FABP12: variants seen among roughly 807,000 people sequenced by gnomAD.
The protein encoded by FABP12 is fatty acid binding protein 12.
A neutral mutation model predicts 13.7 loss-of-function variants in FABP12; 19 were observed. The observed-to-expected ratio is 1.39, with a 90% CI of 0.97 to 2.04. The LOEUF is 2.04. FABP12 is among the 30% of genes most tolerant of loss of function. The pLI is 0.00. For missense variants in FABP12, 182 were observed against 164.2 expected (o/e 1.11, Z -0.59); for synonymous variants, 61 against 57.0 (o/e 1.07, Z -0.32).
At chr8:81,579,097 G>T (rs1475449462) in intron 1 of FABP12, among the ~76,000 whole-genome samples, 2 of 152,032 alleles carry the variant, frequency 1.3e-5, no homozygotes, top group Non-Finnish European at 2.9e-5. Flanking sequence ...CAAAGTGCTG[G>T]AATTACAGGC....
At chr8:81,547,650 G>A (rs1017828497) in intron 1 of FABP12, among the ~76,000 whole-genome samples, 4 of 152,148 alleles carry the variant, frequency 2.6e-5, no homozygotes, top group African/African-American at 9.7e-5. Context: ...TCACGTTTTA[G>A]TCCCAGATAA....
intron 3 of FABP12, 114 bp downstream of exon 3, chr8:81,529,324 C>A (rs146638353): frequency 1.9e-6 from 2 of 1,059,952 alleles, no homozygotes; most frequent in African/African-American, 3.1e-5. Flanking sequence ...ATGTTTTAGA[C>A]AAAAGTTCCT....
chr8:81,587,959 A>G (rs554084142), intron 1 of FABP12, among the ~76,000 whole-genome samples: 1 of 152,258 alleles, frequency 6.6e-6, no homozygotes, highest in South Asian at 2.1e-4. Flanking sequence ...AGAGTCCAAG[A>G]GCTGAAGAAC....
At chr8:81,529,932 A>T (rs939330348) in intron 2 of FABP12, among the ~76,000 whole-genome samples, 1 of 152,168 alleles carries the variant, frequency 6.6e-6, no homozygotes, top group African/African-American at 2.4e-5. Flanking sequence ...CCCTTTGAAA[A>T]TCTGATTAAA....
At chr8:81,581,805 ACT>A (rs1810168223) in intron 1 of FABP12, among the ~76,000 whole-genome samples, 2 of 152,140 alleles carry the variant, frequency 1.3e-5, no homozygotes, top group African/African-American at 2.4e-5. Flanking sequence ...AATTAGACTG[ACT>A]CTACAAGAAA....
chr8:81,587,641 C>T (rs1810262455), intron 1 of FABP12, among the ~76,000 whole-genome samples: 1 of 151,792 alleles, frequency 6.6e-6, no homozygotes, highest in Admixed American at 6.6e-5. Context: ...TCAGCTTGGA[C>T]ATTATTGATG....
At chr8:81,556,482 T>C (rs1463363876) in intron 1 of FABP12, among the ~76,000 whole-genome samples, 1 of 152,224 alleles carries the variant, frequency 6.6e-6, no homozygotes, top group East Asian at 1.9e-4. Context: ...CTTCTTCTTA[T>C]AGCATATATA....
At chr8:81,583,421 A>T (rs75564668) in intron 1 of FABP12, among the ~76,000 whole-genome samples, 4,146 of 152,254 alleles carry the variant, frequency 0.027, 173 homozygotes, top group African/African-American at 0.093. Flanking sequence ...ATTTAAAAAG[A>T]TAAACAAAAT....
intron 1 of FABP12, among the ~76,000 whole-genome samples, chr8:81,548,396 G>A (rs939009213): frequency 6.6e-6 from 1 of 152,112 alleles, no homozygotes; most frequent in Non-Finnish European, 1.5e-5. Flanking sequence ...GGATATAAAA[G>A]GAAATTTGAA....
At chr8:81,527,060 G>A (rs1490751267) in exon 4 of FABP12, 1 of 1,611,926 alleles carries the variant, frequency 6.2e-7, no homozygotes, top group South Asian at 1.1e-5. Flanking sequence ...CGTTATGGTG[G>A]TTTCTTTGCC....
chr8:81,588,923 CA>C (rs1810282120), intron 1 of FABP12, among the ~76,000 whole-genome samples: 1 of 152,140 alleles, frequency 6.6e-6, no homozygotes, highest in African/African-American at 2.4e-5. Flanking sequence ...AGAAGTGAAT[CA>C]CGGGAGCTTT....
chr8:81,556,735 T>C (rs1809622959), intron 1 of FABP12, among the ~76,000 whole-genome samples: 1 of 143,016 alleles, frequency 7.0e-6, no homozygotes, highest in Non-Finnish European at 1.5e-5. Flanking sequence ...TAAAAATATA[T>C]AATTATTATT....
intron 1 of FABP12, among the ~76,000 whole-genome samples, chr8:81,587,865 G>A (rs554758273): frequency 6.6e-6 from 1 of 152,176 alleles, no homozygotes; most frequent in East Asian, 1.9e-4. Flanking sequence ...TATAAGCTGA[G>A]GAGCAAGGAA....
At chr8:81,566,240 AAAG>A (rs1277191242) in intron 1 of FABP12, among the ~76,000 whole-genome samples, 4 of 152,126 alleles carry the variant, frequency 2.6e-5, no homozygotes, top group Non-Finnish European at 5.9e-5. Context: ...CCAAACATTT[AAAG>A]AAGAACTAAT....
At chr8:81,577,380 A>C (rs1810066907) in intron 1 of FABP12, among the ~76,000 whole-genome samples, 1 of 152,232 alleles carries the variant, frequency 6.6e-6, no homozygotes. Context: ...TTTTGATTTT[A>C]CTAAATGTAT....
At chr8:81,553,227 C>T (rs1220562650) in intron 1 of FABP12, among the ~76,000 whole-genome samples, 1 of 152,144 alleles carries the variant, frequency 6.6e-6, no homozygotes, top group African/African-American at 2.4e-5. Context: ...CTAGACCTAT[C>T]TCTTCCAGGA....
chr8:81,555,990 G>A (rs957015597), intron 1 of FABP12, among the ~76,000 whole-genome samples: 1 of 152,124 alleles, frequency 6.6e-6, no homozygotes, highest in Non-Finnish European at 1.5e-5. Context: ...GTGATTTTTA[G>A]GGGATCATGG....
intron 1 of FABP12, among the ~76,000 whole-genome samples, chr8:81,555,681 A>G (rs1056693927): frequency 4.6e-5 from 7 of 152,214 alleles, no homozygotes; most frequent in Non-Finnish European, 1.0e-4. Context: ...CAATTAAGGC[A>G]ACATCCTATT....
chr8:81,562,472 G>C (rs1234045527), intron 1 of FABP12, among the ~76,000 whole-genome samples: 1 of 152,136 alleles, frequency 6.6e-6, no homozygotes, highest in African/African-American at 2.4e-5. Flanking sequence ...TGTCATCTTG[G>C]GGTTCCCAAT....
Sources: allele counts gnomAD v4.1 joint callset (sites outside exome capture counted in the v4.1 genomes callset), GRCh38; gene constraint gnomAD v4.1.1; transcripts MANE v1.5; gene names NCBI Gene and HGNC (gene_info 2026-07-23, HGNC 2026-07-21).